Variants in DDX10 observed in about 807,000 individuals in gnomAD.
The protein encoded by DDX10 is probable ATP-dependent RNA helicase DDX10.
Under a neutral mutation model 104.3 loss-of-function variants are expected in DDX10, and 74 were observed. The ratio of observed to expected loss-of-function variants is 0.71; its 90% CI spans 0.59 to 0.86. The LOEUF is 0.86. DDX10 is among the 40% of genes least tolerant of loss of function. The probability of loss-of-function intolerance (pLI) is 0.00; values close to 1 mark genes in which losing one functional copy is unlikely to be tolerated. For synonymous variants in DDX10, 351 were observed against 353.4 expected (o/e 0.99, Z 0.08); for missense variants, 952 against 1,040.0 (o/e 0.92, Z 1.16).
intron 9 of DDX10, among the ~76,000 whole-genome samples, chr11:108,694,406 G>A (rs552207428): frequency 1.3e-5 from 2 of 152,272 alleles, no homozygotes; most frequent in South Asian, 2.1e-4. Context: ...ACCTTCTAAA[G>A]TATAGGCTAA....
At chr11:108,921,423 C>T (rs1863824398) in intron 17 of DDX10, 1 of 152,178 alleles carries the variant, frequency 6.6e-6, no homozygotes, top group African/African-American at 2.4e-5. Context: ...TTATGCTTCT[C>T]ATAAGCTGTA....
At chr11:108,904,976 C>T (rs1290306173) in intron 16 of DDX10, among the ~76,000 whole-genome samples, 1 of 152,134 alleles carries the variant, frequency 6.6e-6, no homozygotes, top group African/African-American at 2.4e-5. Flanking sequence ...GATGAATGAC[C>T]TTAAAGCTCA....
chr11:108,838,191 T>C (rs1031591636), intron 13 of DDX10, among the ~76,000 whole-genome samples: 11 of 152,204 alleles, frequency 7.2e-5, no homozygotes, highest in African/African-American at 2.7e-4. Context: ...ATAGCACAGT[T>C]CTAGTAATAG....
intron 13 of DDX10, among the ~76,000 whole-genome samples, chr11:108,737,278 G>A (rs2094319550): frequency 6.6e-6 from 1 of 152,280 alleles, no homozygotes; most frequent in Non-Finnish European, 1.5e-5. Context: ...GGACAAAAAA[G>A]TTTATCTCTA....
At chr11:108,792,960 G>A (rs1861890844) in intron 13 of DDX10, among the ~76,000 whole-genome samples, 1 of 152,058 alleles carries the variant, frequency 6.6e-6, no homozygotes, top group Non-Finnish European at 1.5e-5. Flanking sequence ...AAATTTATGT[G>A]GTAGCCAGTA....
intron 16 of DDX10, among the ~76,000 whole-genome samples, chr11:108,876,559 G>T (rs767551209): frequency 3.3e-5 from 5 of 152,084 alleles, no homozygotes; most frequent in Non-Finnish European, 7.4e-5. Flanking sequence ...CATAGACCTG[G>T]ATTAAAACCC....
At chr11:108,810,351 T>G (rs947929639) in intron 13 of DDX10, among the ~76,000 whole-genome samples, 2 of 151,858 alleles carry the variant, frequency 1.3e-5, no homozygotes, top group African/African-American at 4.8e-5. Context: ...ACCTATTGGG[T>G]TTTTTTTAAT....
chr11:108,886,125 A>G (rs530394811), intron 16 of DDX10, among the ~76,000 whole-genome samples: 1 of 152,272 alleles, frequency 6.6e-6, no homozygotes, highest in South Asian at 2.1e-4. Flanking sequence ...TATTTTGAGA[A>G]GGGGAGGGGA....
At chr11:108,841,737 A>C (rs1167255502) in intron 15 of DDX10, among the ~76,000 whole-genome samples, 1 of 152,038 alleles carries the variant, frequency 6.6e-6, no homozygotes, top group African/African-American at 2.4e-5. Context: ...TGTTGTTATT[A>C]TTACAGTTTT....
At chr11:108,672,105 T>C (rs111307328) in intron 1 of DDX10, among the ~76,000 whole-genome samples, 6,125 of 151,544 alleles carry the variant, frequency 0.04, 344 homozygotes, top group African/African-American at 0.12. Flanking sequence ...GTATATAGTT[T>C]TCTGTTGTAA....
chr11:108,925,036 C>T lies in DDX10; in HGVS notation c.2450+7018C>T, dbSNP rs1844094507. 1.3e-5 allele frequency among the ~76,000 whole-genome samples: 2 copies of T among 152,112 alleles called. 1 individual carries two copies. The highest frequency in any genetic ancestry group is 4.2e-4 in the South Asian group (2 of 4,818). On this transcript the variant is annotated intron_variant, in intron 17 of 17. Coordinates refer to ENST00000322536, the MANE Select transcript of DDX10 (RefSeq NM_004398.4). ...TCTTTTCAGCTTCAGGAGTATATGCCCCCTTCCCATATGCCAAGCAACTTT... is the reference window on the plus strand; with the variant it reads ...TCTTTTCAGCTTCAGGAGTATATGCTCCCTTCCCATATGCCAAGCAACTTT...
chr11:108,790,374 A>C (rs1861853878), intron 13 of DDX10, among the ~76,000 whole-genome samples: 1 of 152,220 alleles, frequency 6.6e-6, no homozygotes, highest in South Asian at 2.1e-4. Context: ...GAGGTATTAA[A>C]GCATACTTTT....
intron 7 of DDX10, 129 bp from the exon 8 acceptor site, chr11:108,691,747 T>C (rs1023646572): frequency 1.5e-6 from 1 of 652,412 alleles, no homozygotes; most frequent in Non-Finnish European, 2.4e-6. Flanking sequence ...TTTCTTTACT[T>C]TTTTTACTTG....
rs747124002 is a variant in DDX10 at position 108,719,848 on chromosome 11, T to C, written c.1462T>C (p.Phe488Leu). 18 of 1,607,448 alleles carry C rather than the reference T, an allele frequency of 1.1e-5. No individual in the cohort carries two copies. Among genetic ancestry groups the C allele is most frequent in the Non-Finnish European group, 1.4e-5 (17 of 1,174,084 alleles). ...SVYLMKDKEV[F>L]DVSKLPIPEY... ...ATATCTGATGAAGGATAAAGAAGTATTTGATGTGAGCAAGTTACCTATACC... is the reference window on the plus strand; with the variant it reads ...ATATCTGATGAAGGATAAAGAAGTACTTGATGTGAGCAAGTTACCTATACC... The change falls in exon 12 of 18, where the codon TTT becomes CTT. Residue 488 changes from phenylalanine to leucine, a missense_variant. Physicochemically the swap from Phe to Leu is conservative, Grantham distance 22. Coordinates refer to ENST00000322536, the MANE Select transcript of DDX10 (RefSeq NM_004398.4).
chr11:108,890,078 T>C (rs1484114288), intron 16 of DDX10, among the ~76,000 whole-genome samples: 1 of 152,182 alleles, frequency 6.6e-6, no homozygotes, highest in East Asian at 1.9e-4. Context: ...TGTTATGGTA[T>C]AGATGCATGG....
intron 6 of DDX10, among the ~76,000 whole-genome samples, chr11:108,686,257 C>A (rs1367534558): frequency 6.6e-6 from 1 of 152,140 alleles, no homozygotes; most frequent in Non-Finnish European, 1.5e-5. Flanking sequence ...ATCCTTATCA[C>A]CCAAAGTCTG....
At chr11:108,912,390 C>G (rs186629189) in intron 16 of DDX10, among the ~76,000 whole-genome samples, 2 of 152,008 alleles carry the variant, frequency 1.3e-5, no homozygotes, top group Admixed American at 1.3e-4. Flanking sequence ...CTTAATATTT[C>G]TCATACCGAT....
Position 108,679,463 on chromosome 11 carries a change from C to T in DDX10, c.751C>T (p.Leu251Phe). 1.2e-6 allele frequency: 2 copies of T among 1,613,838 alleles called. No individual in the cohort carries two copies. The highest frequency in any genetic ancestry group is 1.7e-6 in the Non-Finnish European group (2 of 1,179,974). ...TCTCCCCAAGAAACGTCAGACTTTA[C>T]TTTTCTCAGCAACACAAACTAAATC... ...ENLPKKRQTL[L>F]FSATQTKSVK... The change falls in exon 6 of 18, where the codon CTT becomes TTT. Residue 251 changes from leucine to phenylalanine, a missense_variant. Transcript: ENST00000322536.
intron 16 of DDX10, among the ~76,000 whole-genome samples, chr11:108,869,182 A>G (rs2726914): frequency 0.75 from 113,668 of 150,960 alleles, 43,112 homozygotes; most frequent in Admixed American, 0.8. Context: ...TGGTTCTTTC[A>G]TTTTTAAACC....
Sources: allele counts gnomAD v4.1 joint callset (sites outside exome capture counted in the v4.1 genomes callset), GRCh38; gene constraint gnomAD v4.1.1; transcripts MANE v1.5; gene names NCBI Gene and HGNC (gene_info 2026-07-23, HGNC 2026-07-21).